The following TMEM14C variants were observed in gnomAD, a reference collection of about 807,000 sequenced individuals.
TMEM14C encodes transmembrane protein 14C.
A neutral mutation model predicts 14.8 loss-of-function variants in TMEM14C; 13 were observed. The observed-to-expected ratio is 0.88, with a 90% CI of 0.57 to 1.40. TMEM14C has a LOEUF of 1.40. TMEM14C is among the 40% of genes most tolerant of loss of function. The pLI, the probability that TMEM14C is intolerant of heterozygous loss-of-function variation, is 0.00. For missense variants in TMEM14C, 142 were observed against 138.8 expected (o/e 1.02, Z -0.12); for synonymous variants, 57 against 51.3 (o/e 1.11, Z -0.48).
In TMEM14C at chr6:10,730,847, C is replaced by A; in HGVS notation, c.*181C>A. 7.7e-7 allele frequency: 1 copy of A among 1,299,594 alleles called. No individual in the cohort carries two copies. Among genetic ancestry groups the A allele is most frequent in the East Asian group, 2.9e-5 (1 of 34,716 alleles). The allele number at this position is 1,299,594 out of a possible 1,614,324, so 80.5% of individuals were successfully genotyped here. The stretch of plus-strand genomic sequence containing the variant: ...CATGATTACAAACCTACAGAGGTGG[C>A]GAGTATGTAACACAAGAGCTTAATA... On this transcript the variant is annotated 3_prime_UTR_variant, in exon 6 of 6. Transcript: ENST00000229563.
chr6:10,727,899 C>G (rs759311522), intron 4 of TMEM14C, among the ~76,000 whole-genome samples: 5 of 152,144 alleles, frequency 3.3e-5, no homozygotes, highest in African/African-American at 4.8e-5. Context: ...ATTGTTCTTA[C>G]GATGAAAACC....
chr6:10,726,841 G>A (rs1770878610), intron 4 of TMEM14C, among the ~76,000 whole-genome samples: 1 of 152,212 alleles, frequency 6.6e-6, no homozygotes, highest in Non-Finnish European at 1.5e-5. Context: ...GTCAGACACT[G>A]CTAGGAGTGT....
In TMEM14C at chr6:10,726,022, G is replaced by T. The variant is rs375149540; in HGVS notation, c.199+14G>T. ...GGGTTTTCCTAGGTATGTCTGCTTT[G>T]GCGTCTCCTTAGGGCAGCTATGTAT... On this transcript the variant is annotated intron_variant, in intron 4 of 5. Coordinates refer to ENST00000229563, the MANE Select transcript of TMEM14C (RefSeq NM_016462.4). The T allele has an allele frequency of 1.9e-6, 3 of 1,613,856 alleles. No individual in the cohort carries two copies. The highest frequency in any genetic ancestry group is 8.5e-7 in the Non-Finnish European group (1 of 1,179,928).
chr6:10,730,505 G>A (rs1770993592), intron 5 of TMEM14C, 110 bp from the exon 6 acceptor site: 1 of 1,062,974 alleles, frequency 9.4e-7, no homozygotes, highest in Non-Finnish European at 1.3e-6. Context: ...TCTTGCCTTA[G>A]TACCTCCTCC....
intron 4 of TMEM14C, among the ~76,000 whole-genome samples, chr6:10,727,708 T>C (rs56760314): frequency 0.51 from 77,941 of 151,642 alleles, 21,614 homozygotes; most frequent in South Asian, 0.64. Flanking sequence ...GTAGTCCGAG[T>C]TACTCAGGAG....
chr6:10,728,537 T>G, intron 4 of TMEM14C, 103 bp from the exon 5 acceptor site: 3 of 1,193,982 alleles, frequency 2.5e-6, no homozygotes, highest in Non-Finnish European at 3.6e-6. Flanking sequence ...AAGCATAGGA[T>G]GAGGCGTGAG....
Position 10,725,047 on chromosome 6 carries a change from T to C in TMEM14C, c.97+10T>C. 6.2e-7 allele frequency: 1 copy of C among 1,614,138 alleles called. No individual in the cohort carries two copies. Among genetic ancestry groups the C allele is most frequent in the Middle Eastern group, 1.7e-4 (1 of 6,054 alleles). ...GGCTATGTAAAAGCAGGTAGGGTTT[T>C]GTTGTTACTTAGCCTCTTAACATCT... is the stretch of plus-strand genomic sequence containing the variant. On this transcript the variant is annotated intron_variant, in intron 3 of 5. Transcript: ENST00000229563.
chr6:10,724,883 C>T, intron 2 of TMEM14C, 78 bp from the exon 3 acceptor site: 1 of 1,543,212 alleles, frequency 6.5e-7, no homozygotes, highest in Non-Finnish European at 9.0e-7. Context: ...GAATGATTAC[C>T]TTTTAGTCCC....
intron 1 of TMEM14C, among the ~76,000 whole-genome samples, chr6:10,723,879 C>T (rs1463697325): frequency 6.6e-6 from 1 of 152,214 alleles, no homozygotes; most frequent in Non-Finnish European, 1.5e-5. Context: ...ACTGGGATGA[C>T]AGGCGTCAGC....
At chr6:10,725,076 C>T (rs376282673) in intron 3 of TMEM14C, 39 bp downstream of exon 3, 38 of 1,610,138 alleles carry the variant, frequency 2.4e-5, no homozygotes, top group East Asian at 4.5e-5. Flanking sequence ...AACATCTTCA[C>T]GTTGTCCCAG....
At position 10,730,778 on chromosome 6, in the gene TMEM14C, T is replaced by TAA; in HGVS notation, c.*120_*121dup. The TAA allele has an allele frequency of 2.2e-6, 3 of 1,374,356 alleles. No homozygotes were observed. The highest frequency in any genetic ancestry group is 1.7e-5 in the South Asian group (1 of 58,472). The allele number at this position is 1,374,356 out of a possible 1,614,324, so 85.1% of individuals were successfully genotyped here. A position where few individuals can be genotyped will look rare whatever the true frequency, so the allele number is the denominator to read the frequency against. On this transcript the variant is annotated 3_prime_UTR_variant, in exon 6 of 6. Transcript: ENST00000229563. ...GCATTTTTGCATCTGACATTTTACC[T>TAA]AAAAAAAAAGACACCAAACTTGGCA...
Position 10,725,911 on chromosome 6 carries a change from C to T in TMEM14C, c.102C>T (p.Ser34=), listed in dbSNP as rs1240664059. The T allele has an allele frequency of 3.7e-6, 6 of 1,613,654 alleles. No homozygotes were observed. Among genetic ancestry groups the T allele is most frequent in the East Asian group, 4.5e-5 (2 of 44,868 alleles). ...GCTGTGTTTGCTTCCCTCTAGGCAG[C>T]GTGCCGTCCCTGGCTGCAGGGCTGC... ...GGIIGYVKAG[S]VPSLAAGLLF... is the part of the protein sequence containing the mutation. Residue 34 remains serine, a synonymous_variant, in exon 4 of 6, where the codon AGC becomes AGT. Coordinates refer to ENST00000229563, the MANE Select transcript of TMEM14C (RefSeq NM_016462.4).
At chr6:10,724,368 T>G in intron 1 of TMEM14C, 1 of 534,178 alleles carries the variant, frequency 1.9e-6, no homozygotes, top group Non-Finnish European at 3.3e-6. Context: ...CTGTTCAGGG[T>G]TTACTAGGTG....
intron 2 of TMEM14C, 80 bp from the exon 3 acceptor site, chr6:10,724,881 A>G (rs1176311314): frequency 2.0e-6 from 3 of 1,532,356 alleles, no homozygotes; most frequent in Non-Finnish European, 2.7e-6. Flanking sequence ...GGGAATGATT[A>G]CCTTTTAGTC....
chr6:10,724,439 C>T, intron 1 of TMEM14C, 131 bp from the exon 2 acceptor site: 1 of 630,362 alleles, frequency 1.6e-6, no homozygotes. Context: ...AAATCGGTAC[C>T]AGTGTTATCC....
chr6:10,723,215 T>C lies in TMEM14C; in HGVS notation c.-71T>C, dbSNP rs1247041705. On this transcript the variant is annotated 5_prime_UTR_variant, in exon 1 of 6. Coordinates refer to ENST00000229563, the MANE Select transcript of TMEM14C (RefSeq NM_016462.4). ...CATTCCTGCGGCTTGCGCGCCCTTG[T>C]AGACAGCCGGGGCCTTCGTGAGACC... is the stretch of plus-strand genomic sequence containing the variant. 1 of 152,314 alleles carries C rather than the reference T, an allele frequency of 6.6e-6. No individual in the cohort carries two copies. The highest frequency in any genetic ancestry group is 6.5e-5 in the Admixed American group (1 of 15,292). The allele number at this position is 152,314 out of a possible 1,614,324, so 9.4% of individuals were successfully genotyped here.
At position 10,723,080 on chromosome 6, in the gene TMEM14C, C is replaced by A. The variant is rs1045871121; in HGVS notation, c.-206C>A. ...GCCCGCACCGTCCCCATTCTCTGAC[C>A]GCCCCTCTCCCGGTACACTGCGCAG... On this transcript the variant is annotated 5_prime_UTR_variant, in exon 1 of 6. Transcript: ENST00000229563. 6.6e-6 allele frequency: 1 copy of A among 152,350 alleles called. No individual in the cohort carries two copies. The highest frequency in any genetic ancestry group is 2.4e-5 in the African/African-American group (1 of 41,466). The allele number at this position is 152,350 out of a possible 1,614,324, so 9.4% of individuals were successfully genotyped here. A position where few individuals can be genotyped will look rare whatever the true frequency, so the allele number is the denominator to read the frequency against.
At position 10,725,922 on chromosome 6, in the gene TMEM14C, T is replaced by G. The variant is rs1770846818; in HGVS notation, c.113T>G (p.Leu38Arg). 1 of 1,613,874 alleles carries G rather than the reference T, an allele frequency of 6.2e-7. No individual in the cohort carries two copies. The highest frequency in any genetic ancestry group is 1.3e-5 in the African/African-American group (1 of 74,936). Residue 38 changes from leucine (L) to arginine (R), a missense_variant, in exon 4 of 6, where the codon CTG (leucine) becomes CGG (arginine). Leu to Arg is a moderately radical substitution (Grantham distance 102). Transcript: ENST00000229563. ...GYVKAGSVPS[L>R]AAGLLFGSLA... ...TTCCCTCTAGGCAGCGTGCCGTCCC[T>G]GGCTGCAGGGCTGCTCTTTGGCAGT...
At chr6:10,730,577 C>G (rs1363634719) in intron 5 of TMEM14C, 38 bp from the exon 6 acceptor site, 1 of 1,605,718 alleles carries the variant, frequency 6.2e-7, no homozygotes, top group Non-Finnish European at 8.5e-7. Context: ...CTGTTCTGTC[C>G]TTTACCTGAC....
Sources: gnomAD v4.1 joint callset for allele counts (sites outside exome capture counted in the v4.1 genomes callset) on GRCh38, gnomAD v4.1.1 for gene constraint, MANE v1.5 for transcripts, NCBI Gene and HGNC (gene_info 2026-07-23, HGNC 2026-07-21) for gene names.